Variants in PFDN2 observed in about 807,000 individuals in gnomAD.
PFDN2 encodes prefoldin 2.
PFDN2 carries 7 observed loss-of-function variants against 18.3 expected under a neutral mutation model. That is an observed-to-expected ratio of 0.38 (90% CI 0.22 to 0.72). The LOEUF is 0.72. Among genes scored for constraint, PFDN2 ranks in the 30% least tolerant of loss-of-function variants. The pLI, the probability that PFDN2 is intolerant of heterozygous loss-of-function variation, is 0.47. For missense variants in PFDN2, 181 were observed against 199.1 expected, an observed-to-expected ratio of 0.91 and a Z score of 0.55; for synonymous variants, 76 against 75.0, an observed-to-expected ratio of 1.01 and a Z score of -0.07.
Position 161,118,011 on chromosome 1 carries a change from C to T in PFDN2, c.16G>A (p.Gly6Ser). The change falls in exon 1 of 4, where the codon GGT (glycine) becomes AGT (serine). Residue 6 changes from glycine to serine, a missense_variant. By Grantham distance (56) the Gly-to-Ser change is moderately conservative. Coordinates refer to ENST00000368010, the MANE Select transcript of PFDN2 (RefSeq NM_012394.4). ...CTCCCGCTGCTCTTGCCGGCGCGACCGCTGTTCTCCGCCATCTTCGCCGCC... is the reference window on the plus strand; with the variant it reads ...CTCCCGCTGCTCTTGCCGGCGCGACTGCTGTTCTCCGCCATCTTCGCCGCC... Reference protein sequence around the residue: MAENSGRAGKSSGSGA... With the variant: MAENSSRAGKSSGSGA... 1 of 1,612,120 alleles carries T rather than the reference C, an allele frequency of 6.2e-7. No individual in the cohort carries two copies. The highest frequency in any genetic ancestry group is 8.5e-7 in the Non-Finnish European group (1 of 1,179,398).
intron 1 of PFDN2, among the ~76,000 whole-genome samples, chr1:161,108,278 C>A (rs1459741628): frequency 6.6e-6 from 1 of 151,518 alleles, no homozygotes; most frequent in Non-Finnish European, 1.5e-5. Flanking sequence ...CATGGTGCAA[C>A]CCTGTCTCTA....
intron 1 of PFDN2, among the ~76,000 whole-genome samples, chr1:161,110,702 C>T (rs2101705155): frequency 1.3e-5 from 2 of 152,170 alleles, no homozygotes; most frequent in African/African-American, 4.8e-5. Flanking sequence ...CACTAATTAC[C>T]TTCTTTTCAG....
rs1341459198 is a variant in PFDN2 at position 161,116,968 on chromosome 1, C to T, written c.75+984G>A. On this transcript the variant is annotated intron_variant, in intron 1 of 3. Coordinates refer to ENST00000368010, the MANE Select transcript of PFDN2 (RefSeq NM_012394.4). ...GACAGCTGTAGGCCGGGAGCGGTGG[C>T]TCACGCCTGTAATCCCAGTACTTTG... Among the ~76,000 whole-genome samples, 2 of 152,228 alleles carry T rather than the reference C, an allele frequency of 1.3e-5. 1 individual carries two copies. Among genetic ancestry groups the T allele is most frequent in the Non-Finnish European group, 2.9e-5 (2 of 68,042 alleles).
chr1:161,117,745 C>T (rs1390810629), intron 1 of PFDN2, among the ~76,000 whole-genome samples: 1 of 152,240 alleles, frequency 6.6e-6, no homozygotes, highest in African/African-American at 2.4e-5. Context: ...TCAGGCTCAC[C>T]CACCACCTCA....
At chr1:161,104,655 C>T (rs1326156444) in intron 1 of PFDN2, among the ~76,000 whole-genome samples, 1 of 152,078 alleles carries the variant, frequency 6.6e-6, no homozygotes, top group Non-Finnish European at 1.5e-5. Context: ...TCTCAAACTC[C>T]TGGGCTCAAG....
intron 1 of PFDN2, among the ~76,000 whole-genome samples, chr1:161,110,458 G>A (rs542947488): frequency 6.6e-6 from 1 of 152,048 alleles, no homozygotes; most frequent in African/African-American, 2.4e-5. Context: ...TATTATTCCT[G>A]GCTTATCAAA....
chr1:161,106,976 T>A (rs1003750967), intron 1 of PFDN2, among the ~76,000 whole-genome samples: 1 of 152,138 alleles, frequency 6.6e-6, no homozygotes, highest in Non-Finnish European at 1.5e-5. Context: ...GCCCGGCTAA[T>A]TTCTGTATTT....
intron 1 of PFDN2, among the ~76,000 whole-genome samples, chr1:161,107,950 C>T (rs1654718407): frequency 6.6e-6 from 1 of 150,530 alleles, no homozygotes; most frequent in Non-Finnish European, 1.5e-5. Flanking sequence ...CCCATCTCTA[C>T]TAAAAATACA....
At chr1:161,111,043 T>C (rs917109834) in intron 1 of PFDN2, among the ~76,000 whole-genome samples, 4 of 151,938 alleles carry the variant, frequency 2.6e-5, no homozygotes, top group African/African-American at 7.3e-5. Context: ...GGTTTCACCA[T>C]GTTAGCCAGG....
intron 1 of PFDN2, among the ~76,000 whole-genome samples, chr1:161,105,608 C>T (rs189713541): frequency 7.0e-4 from 106 of 152,230 alleles, no homozygotes; most frequent in African/African-American, 2.3e-3. Flanking sequence ...CATGTGCATA[C>T]CACCACACCA....
rs762944723 is a variant in PFDN2, at chr1:161,102,370, A to C, written c.81T>G (p.Ile27Met). 1.9e-6 allele frequency: 3 copies of C among 1,613,610 alleles called. No homozygotes were observed. The highest frequency in any genetic ancestry group is 1.3e-5 in the African/African-American group (1 of 74,924). The part of the protein sequence containing the change: ...GKGAVSAEQV[I>M]AGFNRLRQEQ... ...CCTGCCGAAGGCGGTTGAAGCCAGC[A>C]ATCACCTAACAAGGTGAGAGAAGAG... Residue 27 changes from isoleucine to methionine, a missense_variant, in exon 2 of 4, where the codon ATT becomes ATG. Ile to Met is a conservative substitution (Grantham distance 10). Coordinates refer to ENST00000368010, the MANE Select transcript of PFDN2 (RefSeq NM_012394.4).
chr1:161,101,933 A>G (rs1654571526), intron 3 of PFDN2, 115 bp downstream of exon 3: 1 of 988,736 alleles, frequency 1.0e-6, no homozygotes, highest in East Asian at 2.6e-5. Flanking sequence ...TGGTTTCACC[A>G]TGTTGCCCAG....
At chr1:161,112,530 C>T (rs2101706462) in intron 1 of PFDN2, among the ~76,000 whole-genome samples, 1 of 152,306 alleles carries the variant, frequency 6.6e-6, no homozygotes, top group South Asian at 2.1e-4. Context: ...AACTCCCAGA[C>T]TCAAGTGATC....
intron 3 of PFDN2, 67 bp from the exon 4 acceptor site, chr1:161,100,926 A>G: frequency 8.3e-7 from 1 of 1,202,728 alleles, no homozygotes; most frequent in Non-Finnish European, 1.2e-6. Flanking sequence ...GGAATGGACT[A>G]TGGTTGGAGG....
At chr1:161,116,450 G>T (rs1654925791) in intron 1 of PFDN2, among the ~76,000 whole-genome samples, 1 of 151,990 alleles carries the variant, frequency 6.6e-6, no homozygotes, top group African/African-American at 2.4e-5. Context: ...GGAGGCAGAG[G>T]TTGCAGTCAG....
Position 161,108,734 on chromosome 1 carries a change from CAG to C in PFDN2, c.76-6361_76-6360del, listed in dbSNP as rs375606750. On this transcript the variant is annotated intron_variant, in intron 1 of 3. Transcript: ENST00000368010. ...TCGCTAGAAAGCTCTCCAAGATGAC[CAG>C]ATTAATTTATACTGCTACCAGCAAT... 1.6e-4 allele frequency among the ~76,000 whole-genome samples: 25 copies of C among 152,244 alleles called. 1 individual carries two copies. In the South Asian group the frequency reaches 5.2e-3, roughly 32 times the overall value.
intron 1 of PFDN2, among the ~76,000 whole-genome samples, chr1:161,107,931 T>C (rs1654717573): frequency 2.0e-5 from 3 of 149,882 alleles, no homozygotes; most frequent in African/African-American, 4.9e-5. Context: ...CTGGCCAACA[T>C]GGTGAAACCC....
intron 1 of PFDN2, among the ~76,000 whole-genome samples, chr1:161,108,457 CA>C (rs35647606): frequency 4.1e-4 from 52 of 127,830 alleles, no homozygotes; most frequent in Middle Eastern, 4.3e-3. Flanking sequence ...AACTCCGTCT[CA>C]AAAAAAAAAA....
At chr1:161,112,657 A>G (rs77040038) in intron 1 of PFDN2, among the ~76,000 whole-genome samples, 13,227 of 152,152 alleles carry the variant, frequency 0.087, 615 homozygotes, top group South Asian at 0.13. Flanking sequence ...TTAGTTTAGC[A>G]ATTTCTCTTA....
Sources: gnomAD v4.1 joint callset for allele counts (sites outside exome capture counted in the v4.1 genomes callset) on GRCh38, gnomAD v4.1.1 for gene constraint, MANE v1.5 for transcripts, NCBI Gene and HGNC (gene_info 2026-07-23, HGNC 2026-07-21) for gene names.